Variants in SNX29 observed in about 807,000 individuals in gnomAD.
SNX29 encodes the protein sorting nexin-29.
A neutral mutation model predicts 102.1 loss-of-function variants in SNX29; 78 were observed. The ratio of observed to expected loss-of-function variants is 0.76; its 90% CI spans 0.64 to 0.92. The LOEUF (loss-of-function observed/expected upper bound fraction) is 0.92. Ranked by LOEUF, SNX29 falls within the 40% of genes least tolerant of loss-of-function variation. SNX29 has a pLI of 0.00. For missense variants in SNX29, 1,280 were observed against 1,061.7 expected (o/e 1.21, Z -2.86); for synonymous variants, 580 against 414.5 (o/e 1.40, Z -4.85).
intron 18 of SNX29, among the ~76,000 whole-genome samples, chr16:12,470,580 A>G (rs749805000): frequency 2.9e-4 from 44 of 151,966 alleles, no homozygotes; most frequent in East Asian, 9.7e-4. Flanking sequence ...TTGTTTTAGC[A>G]CTCAGAAACC....
chr16:12,004,869 A>T (rs1464950845), intron 3 of SNX29, among the ~76,000 whole-genome samples: 1 of 152,232 alleles, frequency 6.6e-6, no homozygotes, highest in African/African-American at 2.4e-5. Context: ...CTATATATAC[A>T]TTCGGCTTTT....
chr16:12,481,411 C>A (rs568838203), intron 19 of SNX29, among the ~76,000 whole-genome samples: 2 of 149,372 alleles, frequency 1.3e-5, no homozygotes, highest in Admixed American at 1.3e-4. Flanking sequence ...CACACACACA[C>A]ATATACATAC....
intron 15 of SNX29, among the ~76,000 whole-genome samples, chr16:12,315,852 G>A (rs544458568): frequency 2.2e-4 from 33 of 152,198 alleles, no homozygotes; most frequent in African/African-American, 5.8e-4. Context: ...CTGCTCTATA[G>A]GACTGTCAAT....
intron 14 of SNX29, among the ~76,000 whole-genome samples, chr16:12,222,673 A>T (rs554004550): frequency 1.3e-5 from 2 of 152,072 alleles, no homozygotes; most frequent in Non-Finnish European, 2.9e-5. Context: ...GGTTCCAGCA[A>T]TTCTTCTGCC....
At chr16:12,118,560 C>T (rs2053837161) in intron 11 of SNX29, among the ~76,000 whole-genome samples, 2 of 152,010 alleles carry the variant, frequency 1.3e-5, no homozygotes, top group Non-Finnish European at 2.9e-5. Context: ...ACGTGATCCG[C>T]CCACCTCGGC....
intron 19 of SNX29, among the ~76,000 whole-genome samples, chr16:12,495,525 C>G (rs898410009): frequency 6.6e-6 from 1 of 152,222 alleles, no homozygotes; most frequent in African/African-American, 2.4e-5. Flanking sequence ...TACATGCTTT[C>G]TTTCTTTGCC....
chr16:12,088,185 G>T, intron 11 of SNX29: 1 of 451,578 alleles, frequency 2.2e-6, no homozygotes, highest in Non-Finnish European at 4.5e-6. Flanking sequence ...CAGGCAGAAA[G>T]CTAGAGAGAG....
At chr16:12,175,354 G>A (rs771654365) in intron 13 of SNX29, among the ~76,000 whole-genome samples, 52 of 152,064 alleles carry the variant, frequency 3.4e-4, no homozygotes, top group Non-Finnish European at 6.2e-4. Context: ...GTCATAAGTG[G>A]GGGGCTGGCC....
chr16:12,326,315 T>C (rs922149089), intron 15 of SNX29, among the ~76,000 whole-genome samples: 189 of 129,628 alleles, frequency 1.5e-3, no homozygotes, highest in African/African-American at 5.3e-3. Flanking sequence ...CAAATAAATA[T>C]ATAGCTTTTT....
intron 18 of SNX29, among the ~76,000 whole-genome samples, chr16:12,409,445 T>C (rs2084305522): frequency 1.0e-5 from 1 of 96,746 alleles, no homozygotes; most frequent in African/African-American, 3.5e-5. Flanking sequence ...TTTTTTTTTT[T>C]TGAGACGGAG....
chr16:12,357,498 C>CT (rs1397453249), intron 16 of SNX29, among the ~76,000 whole-genome samples: 7 of 152,186 alleles, frequency 4.6e-5, no homozygotes, highest in Non-Finnish European at 7.3e-5. Flanking sequence ...TAATATGTCT[C>CT]TATGTTGCTT....
intron 13 of SNX29, among the ~76,000 whole-genome samples, chr16:12,143,000 A>ATTTT (rs59548851): frequency 7.1e-6 from 1 of 141,526 alleles, no homozygotes. Flanking sequence ...AGCAAAGAAA[A>ATTTT]TTTTTTTTTT....
intron 8 of SNX29, among the ~76,000 whole-genome samples, chr16:12,060,448 A>G (rs1175941753): frequency 6.6e-6 from 1 of 152,144 alleles, no homozygotes; most frequent in Non-Finnish European, 1.5e-5. Context: ...AAACAAAACA[A>G]AAAATTAGCC....
chr16:12,449,174 A>T (rs1217971725), intron 18 of SNX29, among the ~76,000 whole-genome samples: 1 of 151,884 alleles, frequency 6.6e-6, no homozygotes, highest in Admixed American at 6.6e-5. Context: ...GATAGGGAGG[A>T]GGAATAGTGA....
chr16:12,090,794 C>T (rs1035236832), intron 11 of SNX29, among the ~76,000 whole-genome samples: 1 of 152,006 alleles, frequency 6.6e-6, no homozygotes, highest in African/African-American at 2.4e-5. Context: ...GCAGATCAAT[C>T]ACCTGAGGCC....
intron 13 of SNX29, among the ~76,000 whole-genome samples, chr16:12,169,512 C>G (rs373144691): frequency 2.0e-5 from 3 of 152,018 alleles, no homozygotes; most frequent in African/African-American, 7.2e-5. Context: ...GCTTTGTCTT[C>G]GGGCAAGGCA....
intron 4 of SNX29, among the ~76,000 whole-genome samples, chr16:12,042,537 G>T (rs2049925286): frequency 6.6e-6 from 1 of 152,116 alleles, no homozygotes. Flanking sequence ...ATGTCTGTGT[G>T]TACCCAGGGT....
intron 4 of SNX29, among the ~76,000 whole-genome samples, chr16:12,040,011 G>A (rs977665708): frequency 6.6e-6 from 1 of 152,098 alleles, no homozygotes; most frequent in African/African-American, 2.4e-5. Flanking sequence ...TGTTAAAGAG[G>A]CAATGTTAAG....
Position 12,096,404 on chromosome 16 carries a change from C to T in SNX29, c.1402+17489C>T, listed in dbSNP as rs367873133. Among the ~76,000 whole-genome samples, 2 of 152,200 alleles carry T rather than the reference C, an allele frequency of 1.3e-5. No individual in the cohort carries two copies. Among genetic ancestry groups the T allele is most frequent in the South Asian group, 2.1e-4 (1 of 4,832 alleles). On this transcript the variant is annotated intron_variant, in intron 11 of 20. Coordinates refer to ENST00000566228, the MANE Select transcript of SNX29 (RefSeq NM_032167.5). The surrounding 1 kb of genome is among the most constrained non-coding windows in gnomAD (Gnocchi z 4.2). ...AGCCAGAGGTGGGGATCCAGCTTGG[C>T]CATGCACAAGCTCTGTGTCACATGT... is the stretch of plus-strand genomic sequence containing the variant.
Sources: allele counts gnomAD v4.1 joint callset (sites outside exome capture counted in the v4.1 genomes callset), GRCh38; gene constraint gnomAD v4.1.1; non-coding constraint Gnocchi (gnomAD v3.1); transcripts MANE v1.5; gene names NCBI Gene and HGNC (gene_info 2026-07-23, HGNC 2026-07-21).